Variants in ARL17B observed in about 807,000 individuals in gnomAD.
The protein encoded by ARL17B is ADP-ribosylation factor-like protein 17.
At chr17:46,291,131 C>CTGAA (rs1270243062) in intron 4 of ARL17B, among the ~76,000 whole-genome samples, 1 of 152,202 alleles carries the variant, frequency 6.6e-6, no homozygotes, top group Non-Finnish European at 1.5e-5. Flanking sequence ...TAGAGAGAGA[C>CTGAA]TGAACTTCTT....
chr17:46,286,315 A>G (rs1471123840), intron 4 of ARL17B, among the ~76,000 whole-genome samples: 1 of 152,266 alleles, frequency 6.6e-6, no homozygotes, highest in Non-Finnish European at 1.5e-5. Flanking sequence ...TTGGAGAACC[A>G]ATTTAAAGAT....
chr17:46,321,124 CAT>C (rs1406309464), intron 3 of ARL17B, among the ~76,000 whole-genome samples: 1 of 14,078 alleles, frequency 7.1e-5, no homozygotes, highest in Non-Finnish European at 9.5e-5. Context: ...ATTTTATTGA[CAT>C]ATGAACAAAA....
At chr17:46,278,812 T>G (rs1307524028) in intron 4 of ARL17B, among the ~76,000 whole-genome samples, 1 of 152,048 alleles carries the variant, frequency 6.6e-6, no homozygotes, top group Non-Finnish European at 1.5e-5. Context: ...TTTTATTTTT[T>G]TTGACACGGA....
intron 3 of ARL17B, among the ~76,000 whole-genome samples, chr17:46,351,953 A>T (rs1368002803): frequency 1.3e-5 from 2 of 152,284 alleles, no homozygotes; most frequent in Non-Finnish European, 2.9e-5. Flanking sequence ...GTAATAACGC[A>T]GGCCGGACAC....
At chr17:46,286,748 C>T (rs1328437153) in intron 4 of ARL17B, among the ~76,000 whole-genome samples, 2 of 152,204 alleles carry the variant, frequency 1.3e-5, no homozygotes, top group African/African-American at 4.8e-5. Context: ...CCAGTCAGAG[C>T]AATTTGGCTT....
At chr17:46,281,542 G>C (rs1235880092) in intron 4 of ARL17B, among the ~76,000 whole-genome samples, 1 of 152,134 alleles carries the variant, frequency 6.6e-6, no homozygotes, top group Non-Finnish European at 1.5e-5. Context: ...TGATCTTCCT[G>C]TCATAGCCTC....
intron 3 of ARL17B, among the ~76,000 whole-genome samples, chr17:46,327,816 ACTC>A (rs1400337614): frequency 9.7e-5 from 1 of 10,340 alleles, no homozygotes; most frequent in East Asian, 2.0e-3. Flanking sequence ...TTGAAGAAGA[ACTC>A]CTCCTCTTTC....
At chr17:46,305,015 C>T (rs1304211077) in intron 3 of ARL17B, among the ~76,000 whole-genome samples, 1 of 84,666 alleles carries the variant, frequency 1.2e-5, no homozygotes, top group Non-Finnish European at 2.9e-5. Flanking sequence ...ACTACAGGCA[C>T]GTGCCACTAG....
intron 4 of ARL17B, among the ~76,000 whole-genome samples, chr17:46,283,125 T>A (rs532787362): frequency 1.3e-5 from 2 of 152,098 alleles, no homozygotes; most frequent in South Asian, 4.2e-4. Flanking sequence ...CTCAAAAAAA[T>A]AAAATAAAAT....
intron 4 of ARL17B, among the ~76,000 whole-genome samples, chr17:46,288,761 T>C (rs1351614590): frequency 6.6e-6 from 1 of 151,414 alleles, no homozygotes; most frequent in East Asian, 2.0e-4. Flanking sequence ...TAGAGTGCAG[T>C]GGCACAATCT....
At chr17:46,289,861 T>C (rs1346490977) in intron 4 of ARL17B, among the ~76,000 whole-genome samples, 1 of 152,252 alleles carries the variant, frequency 6.6e-6, no homozygotes, top group Non-Finnish European at 1.5e-5. Flanking sequence ...GGCTCACACC[T>C]GTAATCCCAG....
chr17:46,286,200 A>G (rs2049902851), intron 4 of ARL17B, among the ~76,000 whole-genome samples: 1 of 152,284 alleles, frequency 6.6e-6, no homozygotes, highest in East Asian at 1.9e-4. Context: ...AAATAGTTTT[A>G]GTATTGTGGT....
chr17:46,280,222 G>A (rs1337243323), intron 4 of ARL17B, among the ~76,000 whole-genome samples: 3 of 152,208 alleles, frequency 2.0e-5, no homozygotes, highest in Non-Finnish European at 4.4e-5. Flanking sequence ...AAATTAGCCA[G>A]GTGTGGTGGC....
At chr17:46,279,102 G>A (rs1386742982) in intron 4 of ARL17B, among the ~76,000 whole-genome samples, 1 of 151,574 alleles carries the variant, frequency 6.6e-6, no homozygotes, top group African/African-American at 2.4e-5. Context: ...CTGGCCCAAT[G>A]TCATTATTTA....
At chr17:46,323,950 C>A (rs1205027340) in intron 3 of ARL17B, among the ~76,000 whole-genome samples, 2 of 101,362 alleles carry the variant, frequency 2.0e-5, no homozygotes. Context: ...AGGCTGTATA[C>A]AAACATTATG....
At chr17:46,276,318 A>G (rs2143293084) in intron 4 of ARL17B, among the ~76,000 whole-genome samples, 1 of 152,386 alleles carries the variant, frequency 6.6e-6, no homozygotes, top group South Asian at 2.1e-4. Context: ...ATAGTTTACA[A>G]TTTTTAAATA....
intron 4 of ARL17B, among the ~76,000 whole-genome samples, chr17:46,277,938 G>T (rs371894855): frequency 0.12 from 18,453 of 149,156 alleles, 2 homozygotes; most frequent in Middle Eastern, 0.19. Flanking sequence ...CACCATGCCT[G>T]GTCTGGGTAG....
At position 46,351,006 on chromosome 17, in the gene ARL17B, T is replaced by TC. The variant is rs1233428839; in HGVS notation, c.259+1813_259+1814insG. Among the ~76,000 whole-genome samples, 23 of 16,312 alleles carry TC rather than the reference T, an allele frequency of 1.4e-3. 7 individuals carry two copies. The South Asian group carries it at 0.026, about 18-fold the overall frequency. The allele number at this position is 16,312 out of a possible 152,430, so 10.7% of individuals were successfully genotyped here. A position where few individuals can be genotyped will look rare whatever the true frequency, so the allele number is the denominator to read the frequency against. On this transcript the variant is annotated intron_variant, in intron 3 of 3. Coordinates refer to ENST00000450673, the MANE Select transcript of ARL17B (RefSeq NM_001039083.5). ...GTAGAAAGGATACTTTTTTTTTCTC[T>TC]TTTTTTTTTTTTTTTGAGATGGAGT... is the stretch of plus-strand genomic sequence containing the variant.
chr17:46,353,518 C>CT (rs1255797346), intron 2 of ARL17B, among the ~76,000 whole-genome samples: 1 of 1,758 alleles, frequency 5.7e-4, no homozygotes, highest in South Asian at 6.3e-3. Flanking sequence ...CCTCTATTTG[C>CT]TTTTTTTTTT....
Sources: allele counts gnomAD v4.1 joint callset (sites outside exome capture counted in the v4.1 genomes callset), GRCh38; gene constraint gnomAD v4.1.1; transcripts MANE v1.5; gene names NCBI Gene and HGNC (gene_info 2026-07-23, HGNC 2026-07-21).